POLR2M: variants seen among roughly 807,000 people sequenced by gnomAD.
POLR2M encodes protein GRINL1A.
A neutral mutation model predicts 34.6 loss-of-function variants in POLR2M; 30 were observed. The observed-to-expected ratio is 0.87, with a 90% CI of 0.65 to 1.18. The LOEUF (loss-of-function observed/expected upper bound fraction) is 1.18, where lower values mean the gene tolerates loss of function less well. Among genes scored for constraint, POLR2M ranks in the 50% most tolerant of loss-of-function variants. The pLI is 0.00. For missense variants in POLR2M, 432 were observed against 448.7 expected (o/e 0.96, Z 0.34); for synonymous variants, 150 against 166.7 (o/e 0.90, Z 0.77).
At chr15:57,711,824 A>G (rs1488363852) in intron 2 of POLR2M, among the ~76,000 whole-genome samples, 160 bp from the exon 3 acceptor site, 7 of 152,194 alleles carry the variant, frequency 4.6e-5, no homozygotes, top group African/African-American at 1.4e-4. Flanking sequence ...ATGCACACAA[A>G]CACACCCCTA....
intron 1 of POLR2M, chr15:57,707,314 C>A: frequency 1.4e-6 from 1 of 732,324 alleles, no homozygotes; most frequent in Non-Finnish European, 2.3e-6. Flanking sequence ...AGCTTCATCT[C>A]TGGATTCTAA....
intron 1 of POLR2M, among the ~76,000 whole-genome samples, chr15:57,707,755 A>G (rs1334981745): frequency 6.6e-6 from 1 of 152,238 alleles, no homozygotes; most frequent in African/African-American, 2.4e-5. Flanking sequence ...GGAGAGCAGG[A>G]CAGACATTTG....
intron 2 of POLR2M, among the ~76,000 whole-genome samples, chr15:57,711,648 A>G (rs563984155): frequency 1.9e-4 from 29 of 151,924 alleles, no homozygotes; most frequent in Non-Finnish European, 3.5e-4. Flanking sequence ...TGAGATATCT[A>G]TCACAGTATC....
chr15:57,713,555 G>A (rs1286434283), intron 3 of POLR2M, among the ~76,000 whole-genome samples: 1 of 152,114 alleles, frequency 6.6e-6, no homozygotes, highest in East Asian at 1.9e-4. Context: ...AACTGAATTA[G>A]GAATGACATT....
intron 1 of POLR2M, among the ~76,000 whole-genome samples, chr15:57,708,063 G>A (rs191972749): frequency 6.6e-6 from 1 of 152,168 alleles, no homozygotes; most frequent in African/African-American, 2.4e-5. Flanking sequence ...GTGAGAATAG[G>A]TTTTGAATGT....
rs1329648540 is a variant in POLR2M, at chr15:57,712,170, G to A, written c.945G>A (p.Gln315=). The change falls in exon 3 of 4, where the codon CAG becomes CAA. Residue 315 remains glutamine, a synonymous_variant. Coordinates refer to ENST00000299638, the MANE Select transcript of POLR2M (RefSeq NM_015532.5). ...SIEESLALQK[Q]QKQNYEEMQA... ...AAGAATCCTTGGCACTTCAGAAACAGCAGAAACAGAATTATGAGGTATTTA... is the reference window on the plus strand; with the variant it reads ...AAGAATCCTTGGCACTTCAGAAACAACAGAAACAGAATTATGAGGTATTTA... 6 of 1,613,986 alleles carry A rather than the reference G, an allele frequency of 3.7e-6. No homozygotes were observed. The African/African-American group carries it at 5.3e-5, about 14-fold the overall frequency.
rs2040896945 is a variant in POLR2M at position 57,715,264 on chromosome 15, G to A, written c.*585G>A. ...TTAGGAAGAACGTTATCTCTCTTCTGATTAGGAAGGACTTCCCTTTTGAGT... is the reference window on the plus strand; with the variant it reads ...TTAGGAAGAACGTTATCTCTCTTCTAATTAGGAAGGACTTCCCTTTTGAGT... On this transcript the variant is annotated 3_prime_UTR_variant, in exon 4 of 4. Transcript: ENST00000299638. 1 of 152,632 alleles carries A rather than the reference G, an allele frequency of 6.6e-6. No homozygotes were observed. Among genetic ancestry groups the A allele is most frequent in the African/African-American group, 2.4e-5 (1 of 41,440 alleles). The allele number at this position is 152,632 out of a possible 1,614,324, so 9.5% of individuals were successfully genotyped here.
chr15:57,707,465 A>C, intron 1 of POLR2M: 1 of 557,968 alleles, frequency 1.8e-6, no homozygotes. Context: ...TTTGTTTTTT[A>C]GGCAGCTTTG....
chr15:57,707,476 T>C (rs1240226446), intron 1 of POLR2M: 3 of 535,900 alleles, frequency 5.6e-6, no homozygotes, highest in Non-Finnish European at 7.1e-6. Flanking sequence ...GGCAGCTTTG[T>C]TCAGCAGCTT....
At chr15:57,706,982 G>T in intron 1 of POLR2M, 27 bp downstream of exon 1, 4 of 1,563,568 alleles carry the variant, frequency 2.6e-6, no homozygotes, top group Non-Finnish European at 3.5e-6. Flanking sequence ...CGGAGTCTCC[G>T]CCAGGCTCCT....
At position 57,717,144 on chromosome 15, in the gene POLR2M, A is replaced by T. The variant is rs541288900; in HGVS notation, c.*2465A>T. 4 of 152,316 alleles carry T rather than the reference A, an allele frequency of 2.6e-5. No homozygotes were observed. The South Asian group carries it at 6.2e-4, about 24-fold the overall frequency. The allele number at this position is 152,316 out of a possible 1,614,324, so 9.4% of individuals were successfully genotyped here. On this transcript the variant is annotated 3_prime_UTR_variant, in exon 4 of 4. Coordinates refer to ENST00000299638, the MANE Select transcript of POLR2M (RefSeq NM_015532.5). Reference sequence around the variant, plus strand: ...ATTAGTAATGCTATTTTTATAGAATATTAAATTCTTATGTGTCTTTTGTGT... The same window carrying T: ...ATTAGTAATGCTATTTTTATAGAATTTTAAATTCTTATGTGTCTTTTGTGT...
chr15:57,709,507 G>A, intron 2 of POLR2M, 149 bp downstream of exon 2: 1 of 884,262 alleles, frequency 1.1e-6, no homozygotes. Flanking sequence ...TCCAGGAGTT[G>A]TAGACCAGCT....
At chr15:57,707,326 C>G in intron 1 of POLR2M, 2 of 725,930 alleles carry the variant, frequency 2.8e-6, no homozygotes, top group Non-Finnish European at 4.8e-6. Flanking sequence ...GGATTCTAAG[C>G]TTACAGGAAC....
At chr15:57,709,936 CTGTA>C (rs2140819502) in intron 2 of POLR2M, among the ~76,000 whole-genome samples, 2 of 152,300 alleles carry the variant, frequency 1.3e-5, no homozygotes, top group African/African-American at 4.8e-5. Context: ...TGCATGCTCA[CTGTA>C]TGTAAGCAAG....
chr15:57,716,103 C>G lies in POLR2M; in HGVS notation c.*1424C>G, dbSNP rs1168655072. On this transcript the variant is annotated 3_prime_UTR_variant, in exon 4 of 4. Coordinates refer to ENST00000299638, the MANE Select transcript of POLR2M (RefSeq NM_015532.5). ...ATCCTGCCATCTAGGGAGATAAACT[C>G]TGTTAACATTTTGATGTTGTGTTTT... 2 of 151,528 alleles carry G rather than the reference C, an allele frequency of 1.3e-5. No homozygotes were observed. The highest frequency in any genetic ancestry group is 2.9e-5 in the Non-Finnish European group (2 of 68,006). The allele number at this position is 151,528 out of a possible 1,614,324, so 9.4% of individuals were successfully genotyped here. A position where few individuals can be genotyped will look rare whatever the true frequency, so the allele number is the denominator to read the frequency against.
chr15:57,712,058 G>T lies in POLR2M; in HGVS notation c.833G>T (p.Arg278Leu). The change falls in exon 3 of 4, where the codon CGG (arginine) becomes CTG (leucine). Residue 278 changes from arginine (R) to leucine (L), a missense_variant. Coordinates refer to ENST00000299638, the MANE Select transcript of POLR2M (RefSeq NM_015532.5). ...TCTCCTATTTCCTCAGAAGAGCGGC[G>T]GCGCAGGGATAAGCAGCATCTTGAT... ...SGSPISSEER[R>L]RRDKQHLDDI... The T allele has an allele frequency of 6.2e-7, 1 of 1,614,116 alleles. No individual in the cohort carries two copies. Among genetic ancestry groups the T allele is most frequent in the South Asian group, 1.1e-5 (1 of 91,082 alleles).
At chr15:57,707,116 G>C in intron 1 of POLR2M, 161 bp downstream of exon 1, 1 of 1,543,736 alleles carries the variant, frequency 6.5e-7, no homozygotes, top group Non-Finnish European at 8.8e-7. Flanking sequence ...GCTTGCTGCG[G>C]CAGAGCCGTG....
In POLR2M at chr15:57,715,509, A is replaced by G. The variant is rs2040906054; in HGVS notation, c.*830A>G. ...AACTGAGCTGGGTGAAGGCTTGTGC[A>G]TCACCTGGCTTGAGTTCCTTGCTGT... On this transcript the variant is annotated 3_prime_UTR_variant, in exon 4 of 4. Transcript: ENST00000299638. 6.6e-6 allele frequency: 1 copy of G among 152,198 alleles called. No homozygotes were observed. The highest frequency in any genetic ancestry group is 1.5e-5 in the Non-Finnish European group (1 of 68,034). 9.4% of individuals were successfully genotyped at this position (152,198 alleles called of 1,614,324 possible). A position where few individuals can be genotyped will look rare whatever the true frequency, so the allele number is the denominator to read the frequency against.
At chr15:57,707,528 TAGA>T (rs1567265014) in intron 1 of POLR2M, 1 of 472,554 alleles carries the variant, frequency 2.1e-6, no homozygotes, top group East Asian at 6.5e-5. Context: ...CAGAAGACAG[TAGA>T]AGGATATTTT....
Sources: gnomAD v4.1 joint callset for allele counts (sites outside exome capture counted in the v4.1 genomes callset) on GRCh38, gnomAD v4.1.1 for gene constraint, MANE v1.5 for transcripts, NCBI Gene and HGNC (gene_info 2026-07-23, HGNC 2026-07-21) for gene names.